The following SPACA9 variants were observed in gnomAD, a reference collection of about 807,000 sequenced individuals.
The protein encoded by SPACA9 is sperm acrosome associated 9.
SPACA9 carries 14 observed loss-of-function variants against 12.5 expected under a neutral mutation model. The ratio of observed to expected loss-of-function variants is 1.12; its 90% CI spans 0.74 to 1.75. The LOEUF (loss-of-function observed/expected upper bound fraction) is 1.75. SPACA9 is among the 40% of genes most tolerant of loss of function. The probability of loss-of-function intolerance (pLI) is 0.00; values close to 1 mark genes in which losing one functional copy is unlikely to be tolerated. For missense variants in SPACA9, 292 were observed against 291.9 expected, an observed-to-expected ratio of 1.00 and a Z score of 0.00; for synonymous variants, 111 against 114.1, an observed-to-expected ratio of 0.97 and a Z score of 0.17.
chr9:132,879,947 C>T (rs1405805551), intron 1 of SPACA9, among the ~76,000 whole-genome samples: 1 of 152,198 alleles, frequency 6.6e-6, no homozygotes, highest in East Asian at 1.9e-4. Context: ...AACGTAAAAG[C>T]CAGCACTGTT....
rs118044965 is a variant in SPACA9, at chr9:132,879,634, A to G, written c.-38+620A>G. 5.6e-4 allele frequency among the ~76,000 whole-genome samples: 86 copies of G among 152,314 alleles called. 1 individual carries two copies. The highest frequency in any genetic ancestry group is 1.0e-3 in the Non-Finnish European group (70 of 68,028). ...CCTTCATTCCCATTTTACAGATGAG[A>G]AGTTGGAGGATTAGAACAATGAGGA... On this transcript the variant is annotated intron_variant, in intron 1 of 3. Transcript: ENST00000356311.
At chr9:132,878,762 C>T, upstream of SPACA9, 2 of 986,018 alleles carry the variant, frequency 2.0e-6, no homozygotes, top group Non-Finnish European at 2.4e-6. This position sits in a 1 kb window ranked among gnomAD's most constrained non-coding sequence, Gnocchi z 4.7. Context: ...AGCCCAACTC[C>T]TAGAGTCGAG....
chr9:132,878,572 C>G (rs1012526173), upstream of SPACA9: 6 of 1,132,008 alleles, frequency 5.3e-6, no homozygotes, highest in African/African-American at 9.7e-5. This position sits in a 1 kb window ranked among gnomAD's most constrained non-coding sequence, Gnocchi z 4.7. Flanking sequence ...AGTCGGCCCT[C>G]CGAGGGGACG....
upstream of SPACA9, chr9:132,878,431 G>A (rs1844260012): frequency 9.7e-6 from 12 of 1,231,868 alleles, no homozygotes; most frequent in Non-Finnish European, 1.1e-5. The surrounding 1 kb of genome is among the most constrained non-coding windows in gnomAD (Gnocchi z 4.7). Context: ...GCGCTCTGCG[G>A]CTCGGGCAAG....
At chr9:132,882,738 AC>A (rs1844461414) in intron 1 of SPACA9, among the ~76,000 whole-genome samples, 1 of 152,026 alleles carries the variant, frequency 6.6e-6, no homozygotes, top group African/African-American at 2.4e-5. Flanking sequence ...CTTGGACTGG[AC>A]CTGAGCTCAG....
chr9:132,878,602 G>A, upstream of SPACA9: 1 of 1,088,210 alleles, frequency 9.2e-7, no homozygotes, highest in Non-Finnish European at 1.1e-6. The surrounding 1 kb of genome is among the most constrained non-coding windows in gnomAD (Gnocchi z 4.7). Flanking sequence ...ACCTGCTTCT[G>A]GTTCTGTCAG....
rs1448994224 is a variant in SPACA9, at chr9:132,888,758, T to C, written c.*147T>C. ...ATATATTACTGAGACTTCCTCTCTC[T>C]CTTCTTGCTTTAACTTCTTTTTTTT... is the stretch of plus-strand genomic sequence containing the variant. On this transcript the variant is annotated 3_prime_UTR_variant, in exon 4 of 4. Transcript: ENST00000356311. The surrounding 1 kb of genome is among the most constrained non-coding windows in gnomAD (Gnocchi z 5.0). 29 of 1,413,872 alleles carry C rather than the reference T, an allele frequency of 2.1e-5. No homozygotes were observed. Among genetic ancestry groups the C allele is most frequent in the Non-Finnish European group, 2.1e-5 (23 of 1,087,400 alleles). 87.6% of individuals were successfully genotyped at this position (1,413,872 alleles called of 1,614,324 possible).
At chr9:132,890,155 GGGGGCATGCCTGTCTCAA>G, downstream of SPACA9, 1 of 512,322 alleles carries the variant, frequency 2.0e-6, no homozygotes, top group Admixed American at 4.2e-5. Flanking sequence ...CCCTAGGCAA[GGGGGCATGCCTGTCTCAA>G]GTCGGCTTCT....
chr9:132,885,920 C>T (rs1844551516), intron 2 of SPACA9, among the ~76,000 whole-genome samples: 1 of 152,172 alleles, frequency 6.6e-6, no homozygotes. Flanking sequence ...CGCCCCCCAC[C>T]CCCGCAATGC....
chr9:132,887,415 G>A lies in SPACA9; in HGVS notation c.191G>A (p.Arg64Gln), dbSNP rs201660249. ...TACTGCAACAGCTCCACAGACCGGC[G>A]GGTTCTGCTCATGTTCCTGGACATC... ...EHYCNSSTDR[R>Q]VLLMFLDICS... The change falls in exon 3 of 4, where the codon CGG becomes CAG. Residue 64 changes from arginine to glutamine, a missense_variant. Transcript: ENST00000356311. This position sits in a 1 kb window ranked among gnomAD's most constrained non-coding sequence, Gnocchi z 5.4. 2.0e-5 allele frequency: 33 copies of A among 1,611,966 alleles called. No homozygotes were observed. The highest frequency in any genetic ancestry group is 3.3e-5 in the Admixed American group (2 of 59,988).
At position 132,888,236 on chromosome 9, in the gene SPACA9, C is replaced by T. The variant is rs939331573; in HGVS notation, c.348-54C>T. The T allele has an allele frequency of 1.9e-5, 30 of 1,553,554 alleles. No homozygotes were observed. The highest frequency in any genetic ancestry group is 1.7e-4 in the Middle Eastern group (1 of 5,744). ...CCTGAGGTGTGGCAGCTGCTTGCCACGGCATGGCAAGTCCCGGGAGCATGG... is the reference window on the plus strand; with the variant it reads ...CCTGAGGTGTGGCAGCTGCTTGCCATGGCATGGCAAGTCCCGGGAGCATGG... On this transcript the variant is annotated intron_variant, in intron 3 of 3. Transcript: ENST00000356311. This position sits in a 1 kb window ranked among gnomAD's most constrained non-coding sequence, Gnocchi z 5.0.
In SPACA9 at chr9:132,888,831, A is replaced by T; in HGVS notation, c.*220A>T. 8.9e-7 allele frequency: 1 copy of T among 1,118,614 alleles called. No homozygotes were observed. Among genetic ancestry groups the T allele is most frequent in the Non-Finnish European group, 1.2e-6 (1 of 855,366 alleles). The allele number at this position is 1,118,614 out of a possible 1,614,324, so 69.3% of individuals were successfully genotyped here. On this transcript the variant is annotated 3_prime_UTR_variant, in exon 4 of 4. Coordinates refer to ENST00000356311, the MANE Select transcript of SPACA9 (RefSeq NM_001316897.2). The surrounding 1 kb of genome is among the most constrained non-coding windows in gnomAD (Gnocchi z 5.0). ...CGCCCAGGCTGGAGTGCGGTGGCGC[A>T]ACCTCGGCTCACTGCAACCTCCGCC...
chr9:132,883,147 G>A (rs765209590), intron 1 of SPACA9, among the ~76,000 whole-genome samples: 14 of 152,138 alleles, frequency 9.2e-5, no homozygotes, highest in Admixed American at 2.6e-4. Context: ...TCTGTGAGGC[G>A]CCAAGAGAGA....
At chr9:132,878,461 C>G, upstream of SPACA9, 1 of 1,222,282 alleles carries the variant, frequency 8.2e-7, no homozygotes, top group Non-Finnish European at 1.0e-6. This position sits in a 1 kb window ranked among gnomAD's most constrained non-coding sequence, Gnocchi z 4.7. Context: ...CAACCCCGGC[C>G]TCGCTTTTCC....
At chr9:132,884,925 C>T (rs1178463754) in intron 2 of SPACA9, among the ~76,000 whole-genome samples, 1 of 151,824 alleles carries the variant, frequency 6.6e-6, no homozygotes, top group Non-Finnish European at 1.5e-5. Context: ...ACCAGCCTGA[C>T]CAACATGGTG....
At position 132,889,640 on chromosome 9, in the gene SPACA9, C is replaced by T. The variant is rs1844693749; in HGVS notation, c.*1029C>T. ...ACGTTGGCCAGGCTGGTCTTGAACT[C>T]CTGACCTCAACTGGTCCACCCGCCT... On this transcript the variant is annotated 3_prime_UTR_variant, in exon 4 of 4. Coordinates refer to ENST00000356311, the MANE Select transcript of SPACA9 (RefSeq NM_001316897.2). The T allele has an allele frequency of 1.4e-6, 1 of 730,898 alleles. No individual in the cohort carries two copies. The allele number at this position is 730,898 out of a possible 1,614,324, so 45.3% of individuals were successfully genotyped here.
Position 132,888,608 on chromosome 9 carries a change from G to C in SPACA9, c.666G>C (p.Leu222Phe). Residue 222 changes from leucine (L) to phenylalanine (F), a missense_variant, in exon 4 of 4, where the codon TTG becomes TTC. Physicochemically the swap from Leu to Phe is conservative, Grantham distance 22. Coordinates refer to ENST00000356311, the MANE Select transcript of SPACA9 (RefSeq NM_001316897.2). The surrounding 1 kb of genome is among the most constrained non-coding windows in gnomAD (Gnocchi z 5.0). Reference protein sequence around the residue: ...KPPWRPPGGKL With the variant: ...KPPWRPPGGKF ...CCTGGAGGCCTCCTGGTGGGAAATT[G>C]TAACTCAGAGCCAGGAGCTCCGTCG... The C allele has an allele frequency of 3.9e-6, 6 of 1,528,668 alleles. No homozygotes were observed. Among genetic ancestry groups the C allele is most frequent in the Non-Finnish European group, 5.3e-6 (6 of 1,135,488 alleles). 94.7% of individuals were successfully genotyped at this position (1,528,668 alleles called of 1,614,324 possible).
Position 132,889,593 on chromosome 9 carries a change from T to A in SPACA9, c.*982T>A, listed in dbSNP as rs1844691092. On this transcript the variant is annotated 3_prime_UTR_variant, in exon 4 of 4. Transcript: ENST00000356311. ...GCTAATTTATATATATATATATTTT[T>A]TAGTAGAGACGGGGCTTCACCACGT... The A allele has an allele frequency of 8.4e-6, 3 of 358,400 alleles. No individual in the cohort carries two copies. The highest frequency in any genetic ancestry group is 6.7e-5 in the African/African-American group (3 of 45,052). 22.2% of individuals were successfully genotyped at this position (358,400 alleles called of 1,614,324 possible).
chr9:132,878,853 C>T, upstream of SPACA9: 1 of 861,206 alleles, frequency 1.2e-6, no homozygotes, highest in Non-Finnish European at 1.4e-6. The surrounding 1 kb of genome is among the most constrained non-coding windows in gnomAD (Gnocchi z 4.7). Context: ...CGGTAACAAT[C>T]ACGCCCGCGG....
Sources: gnomAD v4.1 joint callset for allele counts (sites outside exome capture counted in the v4.1 genomes callset) on GRCh38, gnomAD v4.1.1 for gene constraint, Gnocchi (gnomAD v3.1) non-coding constraint, MANE v1.5 for transcripts, NCBI Gene and HGNC (gene_info 2026-07-23, HGNC 2026-07-21) for gene names.